Variants in PTGR1 observed in about 807,000 individuals in gnomAD.
PTGR1 encodes 15-oxoprostaglandin 13-reductase.
PTGR1 carries 23 observed loss-of-function variants against 37.7 expected under a neutral mutation model. The ratio of observed to expected loss-of-function variants is 0.61; its 90% confidence interval spans 0.44 to 0.86. The LOEUF (loss-of-function observed/expected upper bound fraction) is 0.86, where lower values mean the gene tolerates loss of function less well. Ranked by LOEUF, PTGR1 falls within the 40% of genes least tolerant of loss-of-function variation. The pLI is 0.00. For missense variants in PTGR1, 351 were observed against 394.3 expected, an observed-to-expected ratio of 0.89 and a Z score of 0.93; for synonymous variants, 134 against 140.0, an observed-to-expected ratio of 0.96 and a Z score of 0.30.
chr9:111,567,812 A>AAGTC (rs554287840), intron 9 of PTGR1, among the ~76,000 whole-genome samples: 1 of 152,196 alleles, frequency 6.6e-6, no homozygotes, highest in Non-Finnish European at 1.5e-5. Flanking sequence ...CTGTTGCGGG[A>AAGTC]AGTCAGGGAC....
At chr9:111,551,780 T>C (rs185837152) in intron 9 of PTGR1, among the ~76,000 whole-genome samples, 2 of 152,342 alleles carry the variant, frequency 1.3e-5, no homozygotes, top group African/African-American at 2.4e-5. Flanking sequence ...GGCAAAATTA[T>C]ATCACTTTCA....
At chr9:111,585,319 C>T (rs1482697770) in intron 5 of PTGR1, among the ~76,000 whole-genome samples, 2 of 152,158 alleles carry the variant, frequency 1.3e-5, no homozygotes, top group South Asian at 4.1e-4. Context: ...ACCAAAGTTT[C>T]CTCATGTCTA....
chr9:111,597,974 T>G (rs1461335029), intron 1 of PTGR1, among the ~76,000 whole-genome samples: 2 of 150,636 alleles, frequency 1.3e-5, no homozygotes, highest in African/African-American at 4.9e-5. Context: ...GCGCCGCTGC[T>G]CCGCCCCATT....
intron 9 of PTGR1, among the ~76,000 whole-genome samples, chr9:111,551,737 A>C (rs1827963312): frequency 1.3e-5 from 2 of 152,158 alleles, no homozygotes; most frequent in African/African-American, 4.8e-5. Flanking sequence ...CACATTAACA[A>C]AACTTTTATT....
chr9:111,559,597 CTCACACACACACAT>C (rs1828216756), downstream of PTGR1, among the ~76,000 whole-genome samples: 1 of 151,756 alleles, frequency 6.6e-6, no homozygotes, highest in Non-Finnish European at 1.5e-5. Flanking sequence ...CACACACACA[CTCACACACACACAT>C]ATACAACATA....
At chr9:111,554,555 T>TA (rs1438693998) in intron 9 of PTGR1, among the ~76,000 whole-genome samples, 1 of 152,164 alleles carries the variant, frequency 6.6e-6, no homozygotes, top group Non-Finnish European at 1.5e-5. Context: ...CCAAACCCTG[T>TA]ATGTTCTATG....
At chr9:111,559,792 T>A (rs1828222957), downstream of PTGR1, among the ~76,000 whole-genome samples, 1 of 152,144 alleles carries the variant, frequency 6.6e-6, no homozygotes. Flanking sequence ...CCTTCTAATG[T>A]CTTTAGGATT....
chr9:111,561,154 A>AGG (rs1564608152), downstream of PTGR1, among the ~76,000 whole-genome samples: 799 of 96,950 alleles, frequency 8.2e-3, 16 homozygotes, highest in Non-Finnish European at 0.012. Context: ...AGAGGGAGAG[A>AGG]GAGAGAGAGA....
At chr9:111,564,241 A>G (rs746733159) in intron 9 of PTGR1, 108 of 1,046,694 alleles carry the variant, frequency 1.0e-4, no homozygotes, top group Non-Finnish European at 1.2e-4. Flanking sequence ...GCTTGAAGTC[A>G]GTCAATTACA....
intron 2 of PTGR1, among the ~76,000 whole-genome samples, chr9:111,596,670 G>A (rs1456224583): frequency 6.6e-6 from 1 of 151,908 alleles, no homozygotes; most frequent in African/African-American, 2.4e-5. Context: ...CTGAGGCAGG[G>A]AGAATTGCTT....
intron 6 of PTGR1, among the ~76,000 whole-genome samples, chr9:111,580,741 GC>G (rs763637341): frequency 2.2e-4 from 31 of 141,424 alleles, no homozygotes; most frequent in Non-Finnish European, 4.6e-4. Flanking sequence ...GACAACAAGA[GC>G]GAAACTCCAT....
In PTGR1 at chr9:111,552,352, T is replaced by G. The variant is rs142567465; in HGVS notation, c.880-2553A>C. ...GCTTTTGTGCATATGTACTGAAGAA[T>G]TATAACACATGTATCCGTGACTCGT... On this transcript the variant is annotated intron_variant, in intron 9 of 9. Transcript: ENST00000538962. Among the ~76,000 whole-genome samples, 98 of 152,308 alleles carry G rather than the reference T, an allele frequency of 6.4e-4. No individual in the cohort carries two copies. The East Asian group carries it at 0.018, about 28-fold the overall frequency.
At chr9:111,563,410 T>C in intron 9 of PTGR1, 179 bp from the exon 10 acceptor site, 2 of 531,874 alleles carry the variant, frequency 3.8e-6, no homozygotes, top group African/African-American at 1.9e-5. Flanking sequence ...ACACAGTACA[T>C]GTAAAAAAGA....
chr9:111,587,754 T>C (rs1443058881), intron 4 of PTGR1, among the ~76,000 whole-genome samples: 1 of 152,184 alleles, frequency 6.6e-6, no homozygotes, highest in Non-Finnish European at 1.5e-5. Context: ...CCGGATGTAT[T>C]ATACATATTT....
At chr9:111,581,271 T>C (rs1264019429) in intron 6 of PTGR1, among the ~76,000 whole-genome samples, 3 of 152,110 alleles carry the variant, frequency 2.0e-5, no homozygotes, top group Non-Finnish European at 2.9e-5. Context: ...CATACAAGAA[T>C]AGTCCTAAGG....
intron 4 of PTGR1, among the ~76,000 whole-genome samples, chr9:111,589,070 G>A (rs527251272): frequency 1.3e-5 from 2 of 152,298 alleles, no homozygotes; most frequent in Admixed American, 1.3e-4. Context: ...AGAAGGTTGT[G>A]CCAACTTCCA....
At chr9:111,589,416 A>G in intron 4 of PTGR1, 1 of 881,352 alleles carries the variant, frequency 1.1e-6, no homozygotes, top group South Asian at 5.2e-5. Context: ...AAAAAAATAA[A>G]GAATGAGATG....
At chr9:111,577,704 G>T (rs889178397) in intron 7 of PTGR1, 2 of 152,090 alleles carry the variant, frequency 1.3e-5, no homozygotes, top group African/African-American at 4.8e-5. Flanking sequence ...AATTAGTTGC[G>T]TGTGGTGGCA....
At chr9:111,557,378 A>T (rs1285533476) in intron 9 of PTGR1, among the ~76,000 whole-genome samples, 2 of 117,714 alleles carry the variant, frequency 1.7e-5, no homozygotes, top group Non-Finnish European at 3.6e-5. Flanking sequence ...CATCTCCAGT[A>T]AAAAAAAAAA....
Sources: gnomAD v4.1 joint callset for allele counts (sites outside exome capture counted in the v4.1 genomes callset) on GRCh38, gnomAD v4.1.1 for gene constraint, MANE v1.5 for transcripts, NCBI Gene and HGNC (gene_info 2026-07-23, HGNC 2026-07-21) for gene names.